Variants in SYT1 observed in about 807,000 individuals in gnomAD.
SYT1 encodes synaptotagmin 1.
In SYT1, 8 loss-of-function variants were observed where a neutral mutation model predicts 44.8. The observed-to-expected ratio is 0.18, with a 90% CI of 0.10 to 0.32. SYT1 has a LOEUF of 0.32. Among genes scored for constraint, SYT1 ranks in the 10% least tolerant of loss-of-function variants. The pLI, the probability that SYT1 is intolerant of heterozygous loss-of-function variation, is 1.00. For synonymous variants in SYT1, 154 were observed against 188.8 expected (o/e 0.82, Z 1.51); for missense variants, 286 against 509.3 (o/e 0.56, Z 4.22).
intron 2 of SYT1, among the ~76,000 whole-genome samples, chr12:79,026,460 G>A (rs1872533180): frequency 6.6e-6 from 1 of 150,988 alleles, no homozygotes; most frequent in Admixed American, 6.6e-5. Flanking sequence ...ATAAGAAAAT[G>A]CAATTTTGCA....
intron 1 of SYT1, among the ~76,000 whole-genome samples, chr12:78,890,263 C>T (rs1172000615): frequency 1.3e-5 from 2 of 151,772 alleles, no homozygotes; most frequent in Non-Finnish European, 2.9e-5. Context: ...GTCTCTGACT[C>T]ACATCATCAT....
At chr12:79,100,256 G>A (rs1592748767) in intron 3 of SYT1, among the ~76,000 whole-genome samples, 1 of 152,198 alleles carries the variant, frequency 6.6e-6, no homozygotes, top group East Asian at 1.9e-4. Flanking sequence ...TAACTAATTT[G>A]AATAAATTGC....
At chr12:78,890,505 T>C (rs970974117) in intron 1 of SYT1, among the ~76,000 whole-genome samples, 24 of 152,012 alleles carry the variant, frequency 1.6e-4, no homozygotes, top group Non-Finnish European at 1.0e-4. Context: ...AACCTGCACG[T>C]TGTGCACATG....
chr12:78,981,078 GGTTT>G (rs1175525380), intron 2 of SYT1, among the ~76,000 whole-genome samples: 1 of 151,102 alleles, frequency 6.6e-6, no homozygotes, highest in Non-Finnish European at 1.5e-5. Context: ...TGTATTCAAT[GGTTT>G]GTTTGTTTTT....
chr12:79,134,044 A>T (rs1869026380), intron 3 of SYT1, among the ~76,000 whole-genome samples: 1 of 152,208 alleles, frequency 6.6e-6, no homozygotes, highest in African/African-American at 2.4e-5. Flanking sequence ...TCCAATAAAA[A>T]GTCCATATTC....
intron 4 of SYT1, among the ~76,000 whole-genome samples, chr12:79,242,481 G>T (rs1876573063): frequency 6.6e-6 from 1 of 152,168 alleles, no homozygotes; most frequent in Non-Finnish European, 1.5e-5. Context: ...GGGCTTGATT[G>T]TCCTAATAGC....
chr12:79,302,125 TAAAG>T (rs377230646), intron 8 of SYT1, among the ~76,000 whole-genome samples: 4 of 152,214 alleles, frequency 2.6e-5, no homozygotes, highest in African/African-American at 9.6e-5. Flanking sequence ...TTTATGATTT[TAAAG>T]AAATTGTTTT....
intron 8 of SYT1, among the ~76,000 whole-genome samples, chr12:79,308,004 G>C (rs528653734): frequency 1.3e-5 from 2 of 152,298 alleles, no homozygotes; most frequent in South Asian, 4.1e-4. Context: ...GGGCTGAGAC[G>C]TTTGGAACTC....
At chr12:79,365,942 A>T (rs1166708929) in intron 9 of SYT1, among the ~76,000 whole-genome samples, 1 of 152,090 alleles carries the variant, frequency 6.6e-6, no homozygotes, top group Non-Finnish European at 1.5e-5. Context: ...CAGCATTATT[A>T]TGATAACAAC....
rs552093612 is a variant in SYT1 at position 79,019,525 on chromosome 12, C to G, written c.-83-27772C>G. Among the ~76,000 whole-genome samples, 11 of 151,896 alleles carry G rather than the reference C, an allele frequency of 7.2e-5. No individual in the cohort carries two copies. The South Asian group carries it at 2.3e-3, about 32-fold the overall frequency. On this transcript the variant is annotated intron_variant, in intron 2 of 10. Transcript: ENST00000261205. ...ATTATATTTCAGAGTGCCTACCTAC[C>G]ACAGTTGCTATCTGTATAGATGTAA...
At chr12:79,022,168 G>A (rs936216858) in intron 2 of SYT1, among the ~76,000 whole-genome samples, 1 of 151,606 alleles carries the variant, frequency 6.6e-6, no homozygotes, top group Non-Finnish European at 1.5e-5. Flanking sequence ...ATTGAGAGAA[G>A]TTTTATATTT....
intron 8 of SYT1, among the ~76,000 whole-genome samples, chr12:79,328,407 T>A (rs1307630445): frequency 2.0e-5 from 3 of 152,208 alleles, no homozygotes; most frequent in African/African-American, 7.2e-5. Context: ...AAGATGATAT[T>A]ACATCCTTTT....
chr12:78,988,964 A>T (rs907793528), intron 2 of SYT1, among the ~76,000 whole-genome samples: 1 of 152,118 alleles, frequency 6.6e-6, no homozygotes, highest in Non-Finnish European at 1.5e-5. Flanking sequence ...GCTGTACACT[A>T]CTGAGAAATT....
At chr12:79,423,954 GAAATAACC>G (rs1400517185) in intron 9 of SYT1, among the ~76,000 whole-genome samples, 2 of 149,984 alleles carry the variant, frequency 1.3e-5, no homozygotes, top group Non-Finnish European at 3.0e-5. Context: ...AATACTTGTT[GAAATAACC>G]AACAAGTATT....
At chr12:79,291,412 G>A (rs1223654802) in intron 5 of SYT1, among the ~76,000 whole-genome samples, 5 of 152,192 alleles carry the variant, frequency 3.3e-5, no homozygotes, top group Non-Finnish European at 7.3e-5. Context: ...TGGAAGTGGG[G>A]TGAACTTTTC....
intron 9 of SYT1, among the ~76,000 whole-genome samples, chr12:79,356,541 T>C (rs1883120227): frequency 6.6e-6 from 1 of 152,190 alleles, no homozygotes; most frequent in Admixed American, 6.5e-5. Context: ...GGATGGTCTG[T>C]CTCAAAGTAA....
At position 78,942,672 on chromosome 12, in the gene SYT1, T is replaced by C. The variant is rs917389332; in HGVS notation, c.-216-35127T>C. ...AGGTAGTACCAGCTTACTGTATTAG[T>C]AAAATAGGGTATTAGTTCAGTCTCT... is the stretch of plus-strand genomic sequence containing the variant. On this transcript the variant is annotated intron_variant, in intron 1 of 10. Transcript: ENST00000261205. Among the ~76,000 whole-genome samples, 10 of 152,350 alleles carry C rather than the reference T, an allele frequency of 6.6e-5. No individual in the cohort carries two copies. In the South Asian group the frequency reaches 1.9e-3, roughly 28 times the overall value.
intron 1 of SYT1, among the ~76,000 whole-genome samples, chr12:78,920,920 C>T (rs7976967): frequency 0.62 from 94,515 of 151,484 alleles, 30,212 homozygotes; most frequent in African/African-American, 0.78. Flanking sequence ...ATACTAAGAT[C>T]CAGTCCTCAG....
In SYT1 at chr12:79,009,454, C is replaced by G. The variant is rs1871288435; in HGVS notation, c.-84+31523C>G. 2.6e-5 allele frequency among the ~76,000 whole-genome samples: 4 copies of G among 152,268 alleles called. No homozygotes were observed. In the South Asian group the frequency reaches 8.3e-4, roughly 32 times the overall value. On this transcript the variant is annotated intron_variant, in intron 2 of 10. Coordinates refer to ENST00000261205, the MANE Select transcript of SYT1 (RefSeq NM_005639.3). ...GTCTGCATACTTCCTTATGGATGAG[C>G]ATTGGCAAATGCAAATCATAGCTAT...
Sources: gnomAD v4.1 joint callset for allele counts (sites outside exome capture counted in the v4.1 genomes callset) on GRCh38, gnomAD v4.1.1 for gene constraint, MANE v1.5 for transcripts, NCBI Gene and HGNC (gene_info 2026-07-23, HGNC 2026-07-21) for gene names.